Variants in UNC5C observed in about 807,000 individuals in gnomAD.
The protein encoded by UNC5C is unc-5 netrin receptor C.
UNC5C carries 47 observed loss-of-function variants against 99.8 expected under a neutral mutation model. That is an observed-to-expected ratio of 0.47 (90% CI 0.37 to 0.60). The LOEUF is 0.60. UNC5C is among the 20% of genes least tolerant of loss of function. The pLI, the probability that UNC5C is intolerant of heterozygous loss-of-function variation, is 0.00. For synonymous variants in UNC5C, 487 were observed against 452.2 expected (o/e 1.08, Z -0.98); for missense variants, 1,062 against 1,165.9 (o/e 0.91, Z 1.30).
chr4:95,424,322 A>C (rs1285127988), intron 1 of UNC5C, among the ~76,000 whole-genome samples: 1 of 151,590 alleles, frequency 6.6e-6, no homozygotes, highest in Non-Finnish European at 1.5e-5. Flanking sequence ...CAAAATTACC[A>C]TATATACGTG....
At chr4:95,356,222 A>AC (rs1744193824) in intron 1 of UNC5C, among the ~76,000 whole-genome samples, 1 of 136,232 alleles carries the variant, frequency 7.3e-6, no homozygotes, top group African/African-American at 2.9e-5. Flanking sequence ...ACAAAACAAA[A>AC]AAAAAACAGA....
At chr4:95,366,796 C>A (rs1026590595) in intron 1 of UNC5C, among the ~76,000 whole-genome samples, 4 of 152,238 alleles carry the variant, frequency 2.6e-5, no homozygotes, top group African/African-American at 9.6e-5. Flanking sequence ...AACAGCAGAG[C>A]TAAACATTGA....
At chr4:95,246,740 T>G (rs1739515938) in intron 5 of UNC5C, among the ~76,000 whole-genome samples, 1 of 151,924 alleles carries the variant, frequency 6.6e-6, no homozygotes, top group Admixed American at 6.6e-5. Context: ...ATGCTTATTT[T>G]TAAATCTTAT....
At chr4:95,350,156 C>T (rs1161373695) in intron 1 of UNC5C, among the ~76,000 whole-genome samples, 2 of 151,964 alleles carry the variant, frequency 1.3e-5, no homozygotes, top group Admixed American at 1.3e-4. Context: ...ATATCAGAAA[C>T]GTTTGCTAAT....
intron 1 of UNC5C, among the ~76,000 whole-genome samples, chr4:95,405,946 T>C (rs774300670): frequency 5.3e-5 from 8 of 152,210 alleles, no homozygotes; most frequent in African/African-American, 1.2e-4. Flanking sequence ...ATCAATAGGT[T>C]ACCATAATGT....
At chr4:95,182,090 T>TATC (rs1736634191) in intron 14 of UNC5C, among the ~76,000 whole-genome samples, 1 of 152,134 alleles carries the variant, frequency 6.6e-6, no homozygotes, top group Non-Finnish European at 1.5e-5. Flanking sequence ...TGTGAAGGGT[T>TATC]ATCAATTTTC....
chr4:95,255,361 CA>C (rs1739931533), intron 4 of UNC5C, among the ~76,000 whole-genome samples: 1 of 152,108 alleles, frequency 6.6e-6, no homozygotes, highest in Non-Finnish European at 1.5e-5. Flanking sequence ...TAACAGATCA[CA>C]AGTGGGCCTT....
chr4:95,387,359 C>G lies in UNC5C; in HGVS notation c.125-51728G>C, dbSNP rs568002221. Among the ~76,000 whole-genome samples, 4 of 152,210 alleles carry G rather than the reference C, an allele frequency of 2.6e-5. No individual in the cohort carries two copies. The South Asian group carries it at 6.2e-4, about 24-fold the overall frequency. ...CTCACTATGTTGCCCAGGCTGGTCT[C>G]GATGACCTGAGCTCAAGCTATCTTC... On this transcript the variant is annotated intron_variant, in intron 1 of 15. Transcript: ENST00000453304.
intron 1 of UNC5C, among the ~76,000 whole-genome samples, chr4:95,464,493 A>G (rs1251089776): frequency 1.3e-5 from 2 of 152,228 alleles, no homozygotes; most frequent in East Asian, 3.9e-4. Flanking sequence ...TTTTTAAGTC[A>G]GAAAAGTAGG....
At chr4:95,529,475 TCA>T (rs1722584960) in intron 1 of UNC5C, among the ~76,000 whole-genome samples, 3 of 151,788 alleles carry the variant, frequency 2.0e-5, no homozygotes, top group South Asian at 4.2e-4. Flanking sequence ...GCTTGTAATC[TCA>T]GCACTTTGGG....
chr4:95,266,007 A>G (rs1740434150), intron 4 of UNC5C, among the ~76,000 whole-genome samples: 1 of 152,204 alleles, frequency 6.6e-6, no homozygotes, highest in Admixed American at 6.5e-5. Flanking sequence ...ACCTAAATGT[A>G]TTTTAAACAA....
chr4:95,267,103 A>T (rs1740477566), intron 4 of UNC5C, among the ~76,000 whole-genome samples: 1 of 152,222 alleles, frequency 6.6e-6, no homozygotes, highest in African/African-American at 2.4e-5. Context: ...GTTTGCTATC[A>T]AAAGTTTTAG....
intron 2 of UNC5C, among the ~76,000 whole-genome samples, chr4:95,328,061 A>AT (rs1742963182): frequency 8.8e-5 from 5 of 56,698 alleles, no homozygotes; most frequent in African/African-American, 2.4e-4. Context: ...TTTTTTTTTT[A>AT]ATTTTTTTTT....
At chr4:95,170,467 G>A in intron 14 of UNC5C, 135 bp from the exon 15 acceptor site, 3 of 1,076,636 alleles carry the variant, frequency 2.8e-6, no homozygotes, top group Non-Finnish European at 4.0e-6. Context: ...AGGAAGAATG[G>A]CTTCTTCTTA....
chr4:95,447,130 C>A (rs1364070671), intron 1 of UNC5C, among the ~76,000 whole-genome samples: 1 of 152,068 alleles, frequency 6.6e-6, no homozygotes, highest in Non-Finnish European at 1.5e-5. Context: ...CTTCTTAGAT[C>A]TGAATCTATT....
chr4:95,212,916 G>A (rs1468205249), intron 10 of UNC5C, among the ~76,000 whole-genome samples: 1 of 152,082 alleles, frequency 6.6e-6, no homozygotes, highest in Non-Finnish European at 1.5e-5. Context: ...TCACCCTCCG[G>A]CCCGGTTCCT....
rs985100857 is a variant in UNC5C, at chr4:95,513,097, T to C, written c.124+35637A>G. Among the ~76,000 whole-genome samples the C allele has an allele frequency of 3.3e-5, 5 of 152,178 alleles. 1 individual carries two copies. The highest frequency in any genetic ancestry group is 5.9e-5 in the Non-Finnish European group (4 of 68,032). On this transcript the variant is annotated intron_variant, in intron 1 of 15. Transcript: ENST00000453304. ...GGTCTCGTCATGGTTGCTAAATATG[T>C]AAATCATACTGAATGACCGAGGCTA...
At chr4:95,514,645 TTA>T (rs201108904) in intron 1 of UNC5C, among the ~76,000 whole-genome samples, 203 of 147,724 alleles carry the variant, frequency 1.4e-3, no homozygotes, top group African/African-American at 4.8e-3. Context: ...TTTATTTATT[TTA>T]TATATATATA....
chr4:95,247,577 T>G (rs936805202), intron 5 of UNC5C, among the ~76,000 whole-genome samples: 2 of 152,274 alleles, frequency 1.3e-5, no homozygotes, highest in African/African-American at 4.8e-5. Context: ...TATCCCTTCA[T>G]TTACAGAGAA....
Sources: gnomAD v4.1 joint callset for allele counts (sites outside exome capture counted in the v4.1 genomes callset) on GRCh38, gnomAD v4.1.1 for gene constraint, MANE v1.5 for transcripts, NCBI Gene and HGNC (gene_info 2026-07-23, HGNC 2026-07-21) for gene names.